Variants in VPS13B observed in about 807,000 individuals in gnomAD.
VPS13B encodes vacuolar protein sorting 13 homolog B.
VPS13B carries 285 observed loss-of-function variants against 426.4 expected under a neutral mutation model. The ratio of observed to expected loss-of-function variants is 0.67; its 90% CI spans 0.61 to 0.74. The LOEUF (loss-of-function observed/expected upper bound fraction) is 0.74, where lower values mean the gene tolerates loss of function less well. Among genes scored for constraint, VPS13B ranks in the 30% least tolerant of loss-of-function variants. The pLI, the probability that VPS13B is intolerant of heterozygous loss-of-function variation, is 0.00. For synonymous variants in VPS13B, 1,676 were observed against 1,676.4 expected, an observed-to-expected ratio of 1.00 and a Z score of 0.01; for missense variants, 4,537 against 4,782.6, an observed-to-expected ratio of 0.95 and a Z score of 1.51.
At chr8:99,497,498 G>A (rs924925891) in intron 25 of VPS13B, among the ~76,000 whole-genome samples, 2 of 151,452 alleles carry the variant, frequency 1.3e-5, no homozygotes, top group Non-Finnish European at 2.9e-5. Flanking sequence ...GGCAAAGTGT[G>A]ACAAGCATTG....
chr8:99,051,099 C>T (rs1028967498), intron 3 of VPS13B, among the ~76,000 whole-genome samples: 4 of 152,074 alleles, frequency 2.6e-5, no homozygotes, highest in Non-Finnish European at 2.9e-5. Flanking sequence ...ACATGAAGTC[C>T]GTGCCCATGC....
intron 2 of VPS13B, among the ~76,000 whole-genome samples, chr8:99,022,301 G>A (rs1212922868): frequency 6.6e-6 from 1 of 150,386 alleles, no homozygotes; most frequent in Non-Finnish European, 1.5e-5. Flanking sequence ...TGTCATGTGG[G>A]ATTTCATGTT....
chr8:99,467,357 AAATT>A, intron 23 of VPS13B, 53 bp from the exon 24 acceptor site: 1 of 1,513,454 alleles, frequency 6.6e-7, no homozygotes, highest in Non-Finnish European at 9.2e-7. Flanking sequence ...TATCAAGTGA[AAATT>A]AATTGTCTTT....
At chr8:99,147,205 G>A (rs191501033) in intron 13 of VPS13B, among the ~76,000 whole-genome samples, 53 of 152,104 alleles carry the variant, frequency 3.5e-4, no homozygotes, top group Admixed American at 2.9e-3. Context: ...TCTGTCTCCC[G>A]GGTTCAAGAG....
At chr8:99,103,568 G>A (rs578122394) in intron 5 of VPS13B, among the ~76,000 whole-genome samples, 1 of 146,330 alleles carries the variant, frequency 6.8e-6, no homozygotes, top group East Asian at 2.0e-4. Context: ...GCTCAATCTC[G>A]GCTCACTGCA....
chr8:99,777,516 G>A (rs554050139), intron 41 of VPS13B, among the ~76,000 whole-genome samples: 5 of 152,230 alleles, frequency 3.3e-5, no homozygotes, highest in South Asian at 4.1e-4. Flanking sequence ...CCACTGATTC[G>A]ATTATCTCCC....
intron 3 of VPS13B, among the ~76,000 whole-genome samples, chr8:99,045,589 G>T (rs909689385): frequency 2.0e-5 from 3 of 152,106 alleles, no homozygotes; most frequent in African/African-American, 7.2e-5. Context: ...TATTGCATTT[G>T]CTTTTGGGGT....
intron 14 of VPS13B, among the ~76,000 whole-genome samples, chr8:99,149,972 T>C (rs897213958): frequency 6.6e-6 from 1 of 152,194 alleles, no homozygotes; most frequent in African/African-American, 2.4e-5. Context: ...TCAATGAAAT[T>C]AATCTCCGAT....
At chr8:99,745,726 G>A (rs900763607) in intron 39 of VPS13B, among the ~76,000 whole-genome samples, 1 of 151,998 alleles carries the variant, frequency 6.6e-6, no homozygotes, top group Non-Finnish European at 1.5e-5. Context: ...TAAACTCTGA[G>A]TCTAACCCAT....
intron 31 of VPS13B, among the ~76,000 whole-genome samples, chr8:99,560,117 C>T (rs542771852): frequency 1.3e-5 from 2 of 152,222 alleles, no homozygotes; most frequent in East Asian, 1.9e-4. Flanking sequence ...TAAAGAGGTC[C>T]TTCCCATCCC....
intron 25 of VPS13B, among the ~76,000 whole-genome samples, chr8:99,493,586 A>G (rs1038452863): frequency 1.3e-5 from 2 of 152,062 alleles, no homozygotes; most frequent in African/African-American, 4.8e-5. Context: ...GGAGTTCGAG[A>G]TCATCCTGGC....
intron 19 of VPS13B, among the ~76,000 whole-genome samples, chr8:99,279,726 A>G (rs1307391738): frequency 6.6e-6 from 1 of 152,160 alleles, no homozygotes; most frequent in Admixed American, 6.5e-5. Context: ...AATGACCATG[A>G]ATTCTATCAG....
chr8:99,120,032 G>A (rs1478699156), intron 7 of VPS13B: 2 of 152,108 alleles, frequency 1.3e-5, no homozygotes, highest in African/African-American at 4.8e-5. Context: ...GGACCATAAT[G>A]GGTGCACACC....
intron 31 of VPS13B, among the ~76,000 whole-genome samples, chr8:99,572,579 T>C (rs2133801535): frequency 6.6e-6 from 1 of 152,336 alleles, no homozygotes; most frequent in South Asian, 2.1e-4. Flanking sequence ...TTGCAATAGT[T>C]TGCTGAGAAT....
intron 21 of VPS13B, among the ~76,000 whole-genome samples, chr8:99,410,404 T>C (rs1438612780): frequency 6.6e-6 from 1 of 152,012 alleles, no homozygotes; most frequent in Non-Finnish European, 1.5e-5. Context: ...TTGTGCATCT[T>C]CTTTCTGTCT....
At chr8:99,737,319 A>G (rs1588668270) in intron 39 of VPS13B, among the ~76,000 whole-genome samples, 1 of 150,994 alleles carries the variant, frequency 6.6e-6, no homozygotes, top group Admixed American at 6.6e-5. Flanking sequence ...ACGGGGTTTC[A>G]CCGTGTTAGC....
Position 99,875,435 on chromosome 8 carries a change from G to A in VPS13B, c.11763G>A (p.Glu3921=). ...ACDVEVDGVR[E]RLSEQQYNRL... is the part of the protein sequence containing the mutation. ...GATCCTAGGTAGATGGAGTCCGAGA[G>A]AGACTGTCAGAGCAACAGTACAACA... is the stretch of plus-strand genomic sequence containing the variant. The change falls in exon 62 of 62, where the codon GAG becomes GAA. Residue 3921 remains glutamate, a synonymous_variant. Coordinates refer to ENST00000357162, the MANE Select transcript of VPS13B (RefSeq NM_152564.5). The A allele has an allele frequency of 6.2e-7, 1 of 1,614,170 alleles. No homozygotes were observed. The highest frequency in any genetic ancestry group is 8.5e-7 in the Non-Finnish European group (1 of 1,179,998).
intron 19 of VPS13B, among the ~76,000 whole-genome samples, chr8:99,351,187 C>T (rs1055441206): frequency 6.6e-6 from 1 of 152,108 alleles, no homozygotes; most frequent in African/African-American, 2.4e-5. Flanking sequence ...TGTATCTTTT[C>T]TCTTAATTAT....
chr8:99,170,196 T>G, intron 16 of VPS13B, 33 bp downstream of exon 16: 2 of 1,608,658 alleles, frequency 1.2e-6, no homozygotes, highest in Non-Finnish European at 1.7e-6. Flanking sequence ...TGATTTATGT[T>G]AATTTCCATT....
Sources: allele counts gnomAD v4.1 joint callset (sites outside exome capture counted in the v4.1 genomes callset), GRCh38; gene constraint gnomAD v4.1.1; transcripts MANE v1.5; gene names NCBI Gene and HGNC (gene_info 2026-07-23, HGNC 2026-07-21).